The following SSBP3 variants were observed in gnomAD, a reference collection of about 807,000 sequenced individuals.
SSBP3 encodes single-stranded DNA-binding protein 3.
Under a neutral mutation model 69.6 loss-of-function variants are expected in SSBP3, and 5 were observed. The observed-to-expected ratio is 0.07, with a 90% CI of 0.04 to 0.15. SSBP3 has a LOEUF of 0.15. Ranked by LOEUF, SSBP3 falls within the 10% of genes least tolerant of loss-of-function variation. The pLI is 1.00. For missense variants in SSBP3, 312 were observed against 534.0 expected, an observed-to-expected ratio of 0.58 and a Z score of 4.10; for synonymous variants, 196 against 193.4, an observed-to-expected ratio of 1.01 and a Z score of -0.11.
chr1:54,255,657 C>G (rs1157393887), intron 7 of SSBP3: 2 of 152,046 alleles, frequency 1.3e-5, no homozygotes, highest in Non-Finnish European at 2.9e-5. Flanking sequence ...AAAGCTGGGT[C>G]TCTAATTCCT....
intron 4 of SSBP3, among the ~76,000 whole-genome samples, chr1:54,299,436 C>T (rs1232558224): frequency 6.6e-6 from 1 of 152,038 alleles, no homozygotes; most frequent in Admixed American, 6.5e-5. Context: ...AGAAGACAGA[C>T]ATGCCCAGAA....
At chr1:54,302,334 T>TC (rs397697296) in intron 4 of SSBP3, among the ~76,000 whole-genome samples, 12 of 150,796 alleles carry the variant, frequency 8.0e-5, no homozygotes, top group East Asian at 2.0e-4. Context: ...TTTTTTTTTT[T>TC]CCTGAGAAGG....
rs527990590 is a variant in SSBP3 at position 54,346,768 on chromosome 1, T to C, written c.276+55093A>G. Among the ~76,000 whole-genome samples, 151 of 151,362 alleles carry C rather than the reference T, an allele frequency of 1.0e-3. 1 individual carries two copies. Among genetic ancestry groups the C allele is most frequent in the African/African-American group, 2.6e-3 (108 of 41,202 alleles). ...AGGCGGAGCTTGCAGTGAGCCGAGA[T>C]TGCACCACTGCACTCTAGCCTGGGC... On this transcript the variant is annotated intron_variant, in intron 4 of 17. Transcript: ENST00000610401.
intron 4 of SSBP3, among the ~76,000 whole-genome samples, chr1:54,292,843 C>T (rs1338678644): frequency 4.6e-5 from 7 of 152,056 alleles, no homozygotes; most frequent in African/African-American, 1.7e-4. Flanking sequence ...CCAAAAACAG[C>T]CATTCTAGAT....
chr1:54,368,555 T>C (rs1344004262), intron 4 of SSBP3, among the ~76,000 whole-genome samples: 4 of 152,190 alleles, frequency 2.6e-5, no homozygotes, highest in Non-Finnish European at 5.9e-5. Flanking sequence ...TAGGATTATT[T>C]AACCAGATAA....
upstream of SSBP3, among the ~76,000 whole-genome samples, chr1:54,406,907 C>T (rs960259918): frequency 2.0e-5 from 3 of 151,364 alleles, no homozygotes; most frequent in African/African-American, 7.3e-5. Flanking sequence ...TGGTTGTCCT[C>T]CCCCTAGGCT....
intron 4 of SSBP3, among the ~76,000 whole-genome samples, chr1:54,388,684 T>C (rs930788368): frequency 6.6e-6 from 1 of 152,192 alleles, no homozygotes; most frequent in Non-Finnish European, 1.5e-5. Context: ...GGGATATATC[T>C]GTAAGGAGAG....
chr1:54,230,970 T>C (rs977645273), intron 14 of SSBP3, among the ~76,000 whole-genome samples: 39 of 152,240 alleles, frequency 2.6e-4, no homozygotes, highest in African/African-American at 9.4e-4. Context: ...ATGACACTGA[T>C]GTAATGACAC....
At chr1:54,345,043 C>A (rs1281646402) in intron 4 of SSBP3, among the ~76,000 whole-genome samples, 1 of 152,128 alleles carries the variant, frequency 6.6e-6, no homozygotes, top group Admixed American at 6.5e-5. Context: ...ACAATGGCTA[C>A]AAATGCTTTC....
At chr1:54,254,912 A>G (rs1009834302) in intron 7 of SSBP3, among the ~76,000 whole-genome samples, 12 of 151,896 alleles carry the variant, frequency 7.9e-5, no homozygotes, top group African/African-American at 2.9e-4. Context: ...GGCTCACTGC[A>G]GCCTCCGACT....
chr1:54,404,811 G>GA (rs779938724), intron 2 of SSBP3, 47 bp downstream of exon 2: 270 of 990,144 alleles, frequency 2.7e-4, no homozygotes, highest in Non-Finnish European at 3.8e-4. Flanking sequence ...AGAATAGTGG[G>GA]GGGGGGGGGT....
At chr1:54,279,997 C>A (rs1203292312) in intron 5 of SSBP3, among the ~76,000 whole-genome samples, 1 of 152,238 alleles carries the variant, frequency 6.6e-6, no homozygotes, top group Non-Finnish European at 1.5e-5. Flanking sequence ...CATCTCCACC[C>A]CTTGGACAAG....
At chr1:54,314,805 T>G (rs1263675994) in intron 4 of SSBP3, among the ~76,000 whole-genome samples, 1 of 152,122 alleles carries the variant, frequency 6.6e-6, no homozygotes, top group Non-Finnish European at 1.5e-5. Context: ...AGGAGGTGAA[T>G]GAGGAGGCTT....
At position 54,313,142 on chromosome 1, in the gene SSBP3, C is replaced by A. The variant is rs566794771; in HGVS notation, c.277-31615G>T. Among the ~76,000 whole-genome samples the A allele has an allele frequency of 1.3e-3, 198 of 151,402 alleles. 1 individual carries two copies. Among genetic ancestry groups the A allele is most frequent in the African/African-American group, 4.6e-3 (189 of 41,202 alleles). On this transcript the variant is annotated intron_variant, in intron 4 of 17. Transcript: ENST00000610401. ...CTCTGATTTGTAGAAGTGAACAATCCAAGACAATGGGTGTACAACGGCAGA... is the reference window on the plus strand; with the variant it reads ...CTCTGATTTGTAGAAGTGAACAATCAAAGACAATGGGTGTACAACGGCAGA...
chr1:54,383,611 T>C (rs1647848525), intron 4 of SSBP3, among the ~76,000 whole-genome samples: 1 of 152,162 alleles, frequency 6.6e-6, no homozygotes, highest in Admixed American at 6.5e-5. Context: ...TTGTATGACC[T>C]GATAAAATCG....
At chr1:54,345,654 C>T (rs768082647) in intron 4 of SSBP3, among the ~76,000 whole-genome samples, 2 of 152,206 alleles carry the variant, frequency 1.3e-5, no homozygotes, top group Non-Finnish European at 2.9e-5. Context: ...TCACCCCAAA[C>T]GCCAAGCAAA....
At chr1:54,320,822 G>T (rs369107616) in intron 4 of SSBP3, among the ~76,000 whole-genome samples, 1 of 152,144 alleles carries the variant, frequency 6.6e-6, no homozygotes, top group East Asian at 1.9e-4. Flanking sequence ...GGGCTTTCTC[G>T]GAAACTGCAG....
intron 5 of SSBP3, among the ~76,000 whole-genome samples, chr1:54,268,303 G>A (rs996621532): frequency 3.3e-5 from 5 of 152,192 alleles, no homozygotes; most frequent in African/African-American, 4.8e-5. Flanking sequence ...TCTGCCCGCC[G>A]GCCTCCGCCA....
At chr1:54,300,375 A>G (rs1645779570) in intron 4 of SSBP3, among the ~76,000 whole-genome samples, 1 of 152,182 alleles carries the variant, frequency 6.6e-6, no homozygotes, top group Non-Finnish European at 1.5e-5. Context: ...GAGAGTGGAG[A>G]GTATCATCAT....
Sources: allele counts gnomAD v4.1 joint callset (sites outside exome capture counted in the v4.1 genomes callset), GRCh38; gene constraint gnomAD v4.1.1; transcripts MANE v1.5; gene names NCBI Gene and HGNC (gene_info 2026-07-23, HGNC 2026-07-21).